The following ARMC7 variants were observed in gnomAD, a reference collection of about 807,000 sequenced individuals.
ARMC7 encodes armadillo repeat containing 7.
ARMC7 carries 9 observed loss-of-function variants against 14.8 expected under a neutral mutation model. The ratio of observed to expected loss-of-function variants is 0.61; its 90% CI spans 0.37 to 1.06. ARMC7 has a LOEUF of 1.06. Among genes scored for constraint, ARMC7 ranks in the 50% least tolerant of loss-of-function variants. The pLI is 0.01. For missense variants in ARMC7, 262 were observed against 267.1 expected (o/e 0.98, Z 0.13); for synonymous variants, 125 against 123.4 (o/e 1.01, Z -0.09).
intron 2 of ARMC7, among the ~76,000 whole-genome samples, chr17:75,125,471 C>T (rs1032092665): frequency 6.6e-6 from 1 of 152,134 alleles, no homozygotes; most frequent in Non-Finnish European, 1.5e-5. Context: ...GAGGGAAGAA[C>T]AGACAGGACG....
In ARMC7 at chr17:75,128,840, C is replaced by T. The variant is rs367787212; in HGVS notation, c.399C>T (p.Leu133=). 1 of 1,613,188 alleles carries T rather than the reference C, an allele frequency of 6.2e-7. No homozygotes were observed. Among genetic ancestry groups the T allele is most frequent in the Non-Finnish European group, 8.5e-7 (1 of 1,180,012 alleles). ...TGAGCCCGCCGGGCCGCAGCTTTCT[C>T]CCAGAGCTGACCGCCACGCCCGTGG... ...MHLSPPGRSF[L]PELTATPVVQ... The change falls in exon 3 of 3, where the codon CTC becomes CTT. Residue 133 remains leucine (L), a synonymous_variant. Transcript: ENST00000245543.
chr17:75,130,217 T>C lies in ARMC7; in HGVS notation c.*1179T>C. On this transcript the variant is annotated 3_prime_UTR_variant, in exon 3 of 3. Coordinates refer to ENST00000245543, the MANE Select transcript of ARMC7 (RefSeq NM_024585.4). ...TCCCTTTATGTTCCCAAATAAAGGG[T>C]CCTAGAAGACTAGAAAGCCAAGGTC... 2.1e-6 allele frequency: 1 copy of C among 473,432 alleles called. No individual in the cohort carries two copies. The allele number at this position is 473,432 out of a possible 1,614,324, so 29.3% of individuals were successfully genotyped here.
intron 2 of ARMC7, among the ~76,000 whole-genome samples, chr17:75,113,417 C>G (rs978167750): frequency 1.3e-5 from 2 of 151,264 alleles, no homozygotes; most frequent in Non-Finnish European, 2.9e-5. Flanking sequence ...TGCAGTGGCG[C>G]GATCTCGGCT....
At chr17:75,114,832 T>C (rs1049230292) in intron 2 of ARMC7, 4 of 397,814 alleles carry the variant, frequency 1.0e-5, no homozygotes, top group Non-Finnish European at 1.8e-5. Context: ...TTCTCGAAAT[T>C]TCTCTTGTGT....
chr17:75,127,199 T>C (rs191645328), intron 2 of ARMC7, among the ~76,000 whole-genome samples: 6 of 152,132 alleles, frequency 3.9e-5, no homozygotes, highest in African/African-American at 1.4e-4. Flanking sequence ...CATAGGGAGA[T>C]CCCACCCCAT....
At chr17:75,111,938 G>A (rs1327226828) in intron 2 of ARMC7, among the ~76,000 whole-genome samples, 3 of 151,388 alleles carry the variant, frequency 2.0e-5, no homozygotes, top group Non-Finnish European at 2.9e-5. Context: ...TTAGGGAAAG[G>A]TCTTTGCCCC....
At chr17:75,117,597 G>T (rs938242985) in intron 2 of ARMC7, among the ~76,000 whole-genome samples, 1 of 152,226 alleles carries the variant, frequency 6.6e-6, no homozygotes, top group Non-Finnish European at 1.5e-5. Flanking sequence ...TGGCTTCAAA[G>T]ATTTTCTGAT....
chr17:75,110,530 G>C lies in ARMC7; in HGVS notation c.159G>C (p.Leu53=). Residue 53 remains leucine, a synonymous_variant, in exon 2 of 3, where the codon CTG becomes CTC. Transcript: ENST00000245543. Reference sequence around the variant, plus strand: ...ATGACCCCAGCAACTACGAGTATCTGCGGCAGCTGCAGGTCCTGGATTTAT... The same window carrying C: ...ATGACCCCAGCAACTACGAGTATCTCCGGCAGCTGCAGGTCCTGGATTTAT... The part of the protein sequence containing the change: ...FAYDPSNYEY[L]RQLQVLDLFL... 6.2e-7 allele frequency: 1 copy of C among 1,614,276 alleles called. No homozygotes were observed. Among genetic ancestry groups the C allele is most frequent in the Non-Finnish European group, 8.5e-7 (1 of 1,180,046 alleles).
chr17:75,110,953 C>CAAAAAAAAA lies in ARMC7; in HGVS notation c.235+363_235+371dup, dbSNP rs537195116. Among the ~76,000 whole-genome samples, 19 of 49,808 alleles carry CAAAAAAAAA rather than the reference C, an allele frequency of 3.8e-4. 1 individual carries two copies. The highest frequency in any genetic ancestry group is 1.0e-3 in the African/African-American group (14 of 13,740). 32.7% of individuals were successfully genotyped at this position (49,808 alleles called of 152,430 possible). On this transcript the variant is annotated intron_variant, in intron 2 of 2. Coordinates refer to ENST00000245543, the MANE Select transcript of ARMC7 (RefSeq NM_024585.4). ...CGGGGACAAGAGTGAGACCCCGTCT[C>CAAAAAAAAA]AAAAAAAAAAAAAAAAAAAAAAAAG...
intron 2 of ARMC7, among the ~76,000 whole-genome samples, chr17:75,116,151 G>C (rs989412856): frequency 6.6e-6 from 1 of 152,210 alleles, no homozygotes; most frequent in African/African-American, 2.4e-5. Flanking sequence ...CTGCAGGCCC[G>C]GTGCTGTTGT....
intron 2 of ARMC7, among the ~76,000 whole-genome samples, chr17:75,113,530 T>C (rs756100798): frequency 1.3e-5 from 2 of 151,076 alleles, no homozygotes; most frequent in Non-Finnish European, 2.9e-5. Flanking sequence ...TAATTTTTTG[T>C]ACTTTTAGTA....
chr17:75,127,054 T>A (rs2074056925), intron 2 of ARMC7, among the ~76,000 whole-genome samples: 1 of 86,530 alleles, frequency 1.2e-5, no homozygotes, highest in Admixed American at 1.5e-4. Flanking sequence ...AGGGCAAAAC[T>A]GTCTCAAAAA....
At chr17:75,118,944 C>T (rs1300087100) in intron 2 of ARMC7, among the ~76,000 whole-genome samples, 1 of 152,258 alleles carries the variant, frequency 6.6e-6, no homozygotes, top group Non-Finnish European at 1.5e-5. Context: ...GACTTCGCCC[C>T]TGTCATCCAG....
At chr17:75,124,010 T>C (rs7220386) in intron 2 of ARMC7, among the ~76,000 whole-genome samples, 5 of 152,220 alleles carry the variant, frequency 3.3e-5, no homozygotes, top group African/African-American at 4.8e-5. Context: ...AGTTTCCACG[T>C]TGCTCTTTTT....
intron 2 of ARMC7, among the ~76,000 whole-genome samples, chr17:75,123,191 A>T (rs2074026221): frequency 6.7e-6 from 1 of 149,360 alleles, no homozygotes; most frequent in Non-Finnish European, 1.5e-5. Flanking sequence ...GGGACACACC[A>T]TCAGGCCCAG....
intron 2 of ARMC7, chr17:75,114,372 G>C: frequency 2.5e-6 from 1 of 397,766 alleles, no homozygotes; most frequent in Non-Finnish European, 4.4e-6. Flanking sequence ...AACTTTCCCA[G>C]GACAGGGGCA....
At chr17:75,119,447 T>TTTTTTG (rs200096336) in intron 2 of ARMC7, among the ~76,000 whole-genome samples, 3,119 of 36,588 alleles carry the variant, frequency 0.085, 157 homozygotes, top group African/African-American at 0.15. Flanking sequence ...TGTGATACAG[T>TTTTTTG]TTTTTCTTTT....
intron 2 of ARMC7, among the ~76,000 whole-genome samples, chr17:75,122,565 G>A (rs2074021147): frequency 1.3e-5 from 2 of 151,874 alleles, no homozygotes; most frequent in Non-Finnish European, 2.9e-5. Context: ...GTTTCACCAT[G>A]TTGGCAAGGC....
At chr17:75,118,614 G>T (rs1318832851) in intron 2 of ARMC7, among the ~76,000 whole-genome samples, 1 of 152,214 alleles carries the variant, frequency 6.6e-6, no homozygotes, top group Non-Finnish European at 1.5e-5. Flanking sequence ...GTGGCCTCTT[G>T]TGGATCTGCC....
Sources: allele counts gnomAD v4.1 joint callset (sites outside exome capture counted in the v4.1 genomes callset), GRCh38; gene constraint gnomAD v4.1.1; transcripts MANE v1.5; gene names NCBI Gene and HGNC (gene_info 2026-07-23, HGNC 2026-07-21).